TBCD: variants seen among roughly 807,000 people sequenced by gnomAD.
TBCD encodes tubulin folding cofactor D, also known as tubulin-specific chaperone D.
TBCD carries 105 observed loss-of-function variants against 169.3 expected under a neutral mutation model. The observed-to-expected ratio is 0.62, with a 90% CI of 0.53 to 0.73. TBCD has a LOEUF of 0.73. Among genes scored for constraint, TBCD ranks in the 30% least tolerant of loss-of-function variants. The probability of loss-of-function intolerance (pLI) is 0.00; values close to 1 mark genes in which losing one functional copy is unlikely to be tolerated. For missense variants in TBCD, 1,444 were observed against 1,600.1 expected (o/e 0.90, Z 1.66); for synonymous variants, 700 against 643.9 (o/e 1.09, Z -1.32).
intron 13 of TBCD, among the ~76,000 whole-genome samples, chr17:82,820,069 C>T (rs756704391): frequency 6.6e-6 from 1 of 151,824 alleles, no homozygotes; most frequent in Non-Finnish European, 1.5e-5. Context: ...AGCTCCATCT[C>T]CCAGGTTCAA....
intron 14 of TBCD, among the ~76,000 whole-genome samples, chr17:82,870,611 C>G (rs1027906766): frequency 6.6e-6 from 1 of 152,098 alleles, no homozygotes; most frequent in African/African-American, 2.4e-5. Context: ...ACCCTGCAGG[C>G]AGTGGATTCT....
At chr17:82,852,696 T>G (rs891927450) in intron 13 of TBCD, among the ~76,000 whole-genome samples, 47 of 152,150 alleles carry the variant, frequency 3.1e-4, no homozygotes, top group African/African-American at 1.1e-3. Context: ...GGTTAAGACT[T>G]CAGTATGTGG....
At chr17:82,885,508 C>A (rs1386528482) in intron 15 of TBCD, among the ~76,000 whole-genome samples, 1 of 152,138 alleles carries the variant, frequency 6.6e-6, no homozygotes, top group Non-Finnish European at 1.5e-5. Context: ...TGAAGCTGCT[C>A]TTATTTTGTC....
At chr17:82,914,639 C>T (rs1289199738) in intron 23 of TBCD, among the ~76,000 whole-genome samples, 2 of 152,206 alleles carry the variant, frequency 1.3e-5, no homozygotes, top group Non-Finnish European at 2.9e-5. Flanking sequence ...CTGGGGGCCC[C>T]TTGGCTGCCT....
intron 13 of TBCD, chr17:82,859,620 G>A: frequency 2.0e-6 from 2 of 985,474 alleles, no homozygotes; most frequent in South Asian, 4.7e-5. Context: ...GCCCTGTAGT[G>A]AGGACAAAGA....
At chr17:82,781,521 G>A (rs2048949313) in intron 6 of TBCD, 68 bp from the exon 7 acceptor site, 7 of 1,584,432 alleles carry the variant, frequency 4.4e-6, no homozygotes, top group Non-Finnish European at 2.6e-6. Context: ...GTGTGTGTGG[G>A]GTGGGCTGGT....
chr17:82,849,750 C>T (rs77972915), intron 13 of TBCD, among the ~76,000 whole-genome samples: 3 of 152,334 alleles, frequency 2.0e-5, no homozygotes, highest in East Asian at 1.9e-4. Context: ...GGTGGCTTTG[C>T]GTCATGTCAC....
chr17:82,928,086 A>T (rs2061904999), intron 30 of TBCD, 98 bp downstream of exon 30: 2 of 1,049,116 alleles, frequency 1.9e-6, no homozygotes, highest in Admixed American at 3.7e-5. Flanking sequence ...TGGCATTTGC[A>T]CTGCTGGGCA....
intron 7 of TBCD, among the ~76,000 whole-genome samples, chr17:82,794,333 T>C (rs79465407): frequency 0.021 from 3,255 of 152,248 alleles, 122 homozygotes; most frequent in African/African-American, 0.073. Context: ...CGGGTTAGGA[T>C]GATTGCTGAG....
chr17:82,850,167 C>CTGTGCTCTTCTGCTGTTGG (rs1447128033), intron 13 of TBCD, among the ~76,000 whole-genome samples: 1 of 18,828 alleles, frequency 5.3e-5, no homozygotes, highest in Non-Finnish European at 9.9e-5. Flanking sequence ...GCTGTTGTTG[C>CTGTGCTCTTCTGCTGTTGG]CTGTGCTGCT....
At chr17:82,919,612 C>T (rs987142935) in intron 23 of TBCD, among the ~76,000 whole-genome samples, 6 of 151,996 alleles carry the variant, frequency 3.9e-5, no homozygotes, top group Non-Finnish European at 7.4e-5. Flanking sequence ...GGCCTCACCT[C>T]GGAGGCATGG....
intron 2 of TBCD, among the ~76,000 whole-genome samples, chr17:82,760,782 A>G (rs1471038896): frequency 6.6e-6 from 1 of 152,164 alleles, no homozygotes; most frequent in Non-Finnish European, 1.5e-5. Context: ...CCCATCAACA[A>G]TTCCTTCCCA....
chr17:82,842,469 GC>G (rs1319873211), intron 13 of TBCD, among the ~76,000 whole-genome samples: 1 of 152,126 alleles, frequency 6.6e-6, no homozygotes, highest in Non-Finnish European at 1.5e-5. Context: ...GCCTCTCTTT[GC>G]CCCTTCTGCC....
chr17:82,809,639 C>T, intron 11 of TBCD, 69 bp from the exon 12 acceptor site: 2 of 1,511,978 alleles, frequency 1.3e-6, no homozygotes, highest in South Asian at 1.2e-5. Context: ...AGGCCATTCA[C>T]ACGTGTCACG....
Position 82,943,755 on chromosome 17 carries a change from A to G in TBCD, c.*1292A>G, listed in dbSNP as rs2063489111. 6.6e-6 allele frequency: 1 copy of G among 152,176 alleles called. No individual in the cohort carries two copies. Among genetic ancestry groups the G allele is most frequent in the African/African-American group, 2.4e-5 (1 of 41,438 alleles). 9.4% of individuals were successfully genotyped at this position (152,176 alleles called of 1,614,324 possible). ...TGTTGTTGTGTTTGACCTGGTGGCC[A>G]ATGGTCTTTATACCCTAAAAGAGCC... On this transcript the variant is annotated 3_prime_UTR_variant, in exon 39 of 39. Transcript: ENST00000355528.
chr17:82,931,698 G>T (rs955075800), intron 33 of TBCD, among the ~76,000 whole-genome samples: 8 of 152,190 alleles, frequency 5.3e-5, no homozygotes, highest in Non-Finnish European at 8.8e-5. Flanking sequence ...CCTCTCTGTG[G>T]GCTGCGGAGC....
chr17:82,838,121 C>T (rs1396479213), intron 13 of TBCD, among the ~76,000 whole-genome samples: 3 of 152,212 alleles, frequency 2.0e-5, no homozygotes, highest in Admixed American at 6.5e-5. Flanking sequence ...GGTGTTGGGG[C>T]GTAGCTGCCC....
chr17:82,758,419 A>ATAAATAAAT (rs1467354633), intron 2 of TBCD, among the ~76,000 whole-genome samples: 10 of 135,588 alleles, frequency 7.4e-5, no homozygotes, highest in African/African-American at 2.7e-4. Context: ...AAATAAATAA[A>ATAAATAAAT]TTTTTTTTTT....
chr17:82,931,255 A>G (rs560495122), intron 33 of TBCD, among the ~76,000 whole-genome samples: 1 of 152,352 alleles, frequency 6.6e-6, no homozygotes, highest in South Asian at 2.1e-4. Flanking sequence ...GCTCTCGGCA[A>G]ACAGGAACTC....
Sources: gnomAD v4.1 joint callset for allele counts (sites outside exome capture counted in the v4.1 genomes callset) on GRCh38, gnomAD v4.1.1 for gene constraint, MANE v1.5 for transcripts, NCBI Gene and HGNC (gene_info 2026-07-23, HGNC 2026-07-21) for gene names.